RAB5IF: variants seen among roughly 807,000 people sequenced by gnomAD.
RAB5IF encodes RAB5 interacting factor, also known as GEL complex subunit OPTI.
RAB5IF carries 15 observed loss-of-function variants against 20.3 expected under a neutral mutation model. That is an observed-to-expected ratio of 0.74 (90% CI 0.50 to 1.14). RAB5IF has a LOEUF of 1.14. Among genes scored for constraint, RAB5IF ranks in the 50% most tolerant of loss-of-function variants. The pLI is 0.00. For synonymous variants in RAB5IF, 67 were observed against 63.7 expected (o/e 1.05, Z -0.25); for missense variants, 148 against 159.5 (o/e 0.93, Z 0.39).
chr20:36,607,903 T>G (rs1361158349), intron 2 of RAB5IF, 85 bp downstream of exon 2: 4 of 1,579,532 alleles, frequency 2.5e-6, no homozygotes, highest in Non-Finnish European at 3.5e-6. Context: ...AGGCCATTGC[T>G]GCTCTGGAGC....
At chr20:36,610,699 CAA>C (rs992492791) in intron 3 of RAB5IF, among the ~76,000 whole-genome samples, 9 of 75,922 alleles carry the variant, frequency 1.2e-4, no homozygotes, top group Admixed American at 1.5e-4. Context: ...GACTCCGTCT[CAA>C]AAAAAAAAAA....
chr20:36,606,027 A>G lies in RAB5IF; in HGVS notation c.76A>G (p.Ser26Gly). ...ANGALKVSVW[S>G]KVLRSDAAWE... ...CGGGGCCCTCAAAGTCTCCGTCTGGAGTAAGGTGCTGCGGAGCGACGCGGC... is the reference window on the plus strand; with the variant it reads ...CGGGGCCCTCAAAGTCTCCGTCTGGGGTAAGGTGCTGCGGAGCGACGCGGC... The change falls in exon 1 of 4, where the codon AGT becomes GGT. Residue 26 changes from serine to glycine, a missense_variant. Ser to Gly is a moderately conservative substitution (Grantham distance 56). Coordinates refer to ENST00000344795, the MANE Select transcript of RAB5IF (RefSeq NM_018840.5). 2.0e-6 allele frequency: 3 copies of G among 1,527,388 alleles called. No homozygotes were observed. Among genetic ancestry groups the G allele is most frequent in the Non-Finnish European group, 2.6e-6 (3 of 1,133,746 alleles). 94.6% of individuals were successfully genotyped at this position (1,527,388 alleles called of 1,614,324 possible). A position where few individuals can be genotyped will look rare whatever the true frequency, so the allele number is the denominator to read the frequency against.
chr20:36,606,316 T>C (rs2038933598), intron 1 of RAB5IF, among the ~76,000 whole-genome samples: 1 of 152,204 alleles, frequency 6.6e-6, no homozygotes, highest in Admixed American at 6.5e-5. Context: ...GGAGAGGCGT[T>C]GTCATTCGCG....
In RAB5IF at chr20:36,612,431, T is replaced by TTCAAG. The variant is rs2147971205; in HGVS notation, c.*383_*387dup. ...AGAGTTTTTAAACTATCAATGGCAT[T>TTCAAG]TCAAGTCTTCTGAAACAGCATGGCT... On this transcript the variant is annotated 3_prime_UTR_variant, in exon 4 of 4. Transcript: ENST00000344795. 4 of 602,718 alleles carry TTCAAG rather than the reference T, an allele frequency of 6.6e-6. No homozygotes were observed. In the East Asian group the frequency reaches 8.5e-5, roughly 13 times the overall value. 37.3% of individuals were successfully genotyped at this position (602,718 alleles called of 1,614,324 possible).
chr20:36,610,149 T>C (rs2039072650), intron 3 of RAB5IF, among the ~76,000 whole-genome samples: 2 of 152,022 alleles, frequency 1.3e-5, no homozygotes, highest in Non-Finnish European at 2.9e-5. Flanking sequence ...TTGGGTGTAG[T>C]GGCGGGCGCC....
intron 2 of RAB5IF, 45 bp from the exon 3 acceptor site, chr20:36,609,556 C>G: frequency 6.5e-7 from 1 of 1,539,438 alleles, no homozygotes; most frequent in Non-Finnish European, 8.7e-7. Context: ...TCTGAGTCTT[C>G]TAAGCTTTCA....
chr20:36,611,984 A>G, intron 3 of RAB5IF, 26 bp from the exon 4 acceptor site: 1 of 1,613,724 alleles, frequency 6.2e-7, no homozygotes, highest in Non-Finnish European at 8.5e-7. Context: ...CAGGTGACCT[A>G]TGAACAGTGC....
intron 3 of RAB5IF, among the ~76,000 whole-genome samples, chr20:36,610,329 A>AAAC (rs2039077358): frequency 6.6e-6 from 1 of 152,148 alleles, no homozygotes; most frequent in South Asian, 2.1e-4. Flanking sequence ...TAAAAAGTAC[A>AAAC]AACAGTCCAA....
At position 36,609,174 on chromosome 20, in the gene RAB5IF, C is replaced by T. The variant is rs1249756595; in HGVS notation, c.219-427C>T. On this transcript the variant is annotated intron_variant, in intron 2 of 3. Coordinates refer to ENST00000344795, the MANE Select transcript of RAB5IF (RefSeq NM_018840.5). ...ACTATATTACACACACACACACACA[C>T]ACACACACACACACACACACGCACA... is the stretch of plus-strand genomic sequence containing the variant. Among the ~76,000 whole-genome samples the T allele has an allele frequency of 4.6e-3, 108 of 23,736 alleles. 2 individuals carry two copies. The highest frequency in any genetic ancestry group is 6.1e-3 in the Non-Finnish European group (75 of 12,214). The allele number at this position is 23,736 out of a possible 152,430, so 15.6% of individuals were successfully genotyped here.
intron 3 of RAB5IF, among the ~76,000 whole-genome samples, chr20:36,610,128 CA>C: frequency 6.6e-6 from 1 of 152,162 alleles, no homozygotes; most frequent in South Asian, 2.1e-4. Context: ...ACTAAAAATA[CA>C]AAAAATTAGT....
rs1600806383 is a variant in RAB5IF, at chr20:36,609,867, T to C, written c.348+137T>C. ...TAAAGGCTTCTGAGGCTCAGGGCCA[T>C]GGCCTGTGTTGAGCCACATCCCAGA... is the stretch of plus-strand genomic sequence containing the variant. On this transcript the variant is annotated intron_variant, in intron 3 of 3. Coordinates refer to ENST00000344795, the MANE Select transcript of RAB5IF (RefSeq NM_018840.5). The C allele has an allele frequency of 2.7e-6, 4 of 1,493,432 alleles. No homozygotes were observed. In the East Asian group the frequency reaches 9.0e-5, roughly 34 times the overall value. The allele number at this position is 1,493,432 out of a possible 1,614,324, so 92.5% of individuals were successfully genotyped here. A position where few individuals can be genotyped will look rare whatever the true frequency, so the allele number is the denominator to read the frequency against.
chr20:36,607,913 C>CTG (rs746624141), intron 2 of RAB5IF, 95 bp downstream of exon 2: 47 of 1,558,404 alleles, frequency 3.0e-5, no homozygotes, highest in Admixed American at 1.3e-4. Flanking sequence ...TGCTCTGGAG[C>CTG]TGTGTGTGTG....
At chr20:36,611,254 G>A (rs1228936932) in intron 3 of RAB5IF, among the ~76,000 whole-genome samples, 1 of 151,972 alleles carries the variant, frequency 6.6e-6, no homozygotes, top group Non-Finnish European at 1.5e-5. Context: ...GCCTCCCAAA[G>A]TACTGGGATT....
intron 2 of RAB5IF, among the ~76,000 whole-genome samples, chr20:36,608,557 T>A (rs13045394): frequency 1.0e-5 from 1 of 98,632 alleles, no homozygotes; most frequent in Non-Finnish European, 1.9e-5. Flanking sequence ...GGTCTCATTC[T>A]TTTTTTTTTT....
chr20:36,611,346 T>C (rs908615103), intron 3 of RAB5IF, among the ~76,000 whole-genome samples: 8 of 151,818 alleles, frequency 5.3e-5, no homozygotes, highest in African/African-American at 1.9e-4. Flanking sequence ...CCTGTAATTA[T>C]AGCACTTTAG....
chr20:36,609,187 A>G lies in RAB5IF; in HGVS notation c.219-414A>G, dbSNP rs546786751. 4.4e-3 allele frequency among the ~76,000 whole-genome samples: 231 copies of G among 52,714 alleles called. 7 individuals are homozygous for G. Among genetic ancestry groups the G allele is most frequent in the Middle Eastern group, 0.015 (2 of 132 alleles). The allele number at this position is 52,714 out of a possible 152,430, so 34.6% of individuals were successfully genotyped here. A position where few individuals can be genotyped will look rare whatever the true frequency, so the allele number is the denominator to read the frequency against. On this transcript the variant is annotated intron_variant, in intron 2 of 3. Coordinates refer to ENST00000344795, the MANE Select transcript of RAB5IF (RefSeq NM_018840.5). ...CACACACACACACACACACACACAC[A>G]CACACACGCACACACGCACACACGC...
In RAB5IF at chr20:36,612,075, C is replaced by T. The variant is rs1414225125; in HGVS notation, c.*24C>T. The T allele has an allele frequency of 1.2e-6, 2 of 1,614,038 alleles. No individual in the cohort carries two copies. The highest frequency in any genetic ancestry group is 1.6e-4 in the Middle Eastern group (1 of 6,084). On this transcript the variant is annotated 3_prime_UTR_variant, in exon 4 of 4. Coordinates refer to ENST00000344795, the MANE Select transcript of RAB5IF (RefSeq NM_018840.5). ...GATGGTGTACAGCTCCCAAGTGCTC[C>T]CTATCCAGTCCAAAGGACCCTCTTG...
rs931087262 is a variant in RAB5IF at position 36,606,723 on chromosome 20, G to T, written c.114+658G>T. ...CGCCACCAGATATGTGCGAGAATTG[G>T]TTGGGACTTCAGAACGTTCTTACTC... On this transcript the variant is annotated intron_variant, in intron 1 of 3. Coordinates refer to ENST00000344795, the MANE Select transcript of RAB5IF (RefSeq NM_018840.5). 2.2e-4 allele frequency among the ~76,000 whole-genome samples: 33 copies of T among 152,212 alleles called. 1 individual carries two copies. The highest frequency in any genetic ancestry group is 8.8e-5 in the Non-Finnish European group (6 of 68,040).
chr20:36,605,863 C>T lies in RAB5IF; in HGVS notation c.-89C>T. The T allele has an allele frequency of 1.5e-6, 1 of 680,922 alleles. No homozygotes were observed. The highest frequency in any genetic ancestry group is 3.8e-5 in the South Asian group (1 of 26,656). 42.2% of individuals were successfully genotyped at this position (680,922 alleles called of 1,614,324 possible). ...GACCGGGCCGCTGAGCCTGCAGCCGCCCCGCGCCGTGACCTGCGACCCTAG... is the reference window on the plus strand; with the variant it reads ...GACCGGGCCGCTGAGCCTGCAGCCGTCCCGCGCCGTGACCTGCGACCCTAG... On this transcript the variant is annotated 5_prime_UTR_variant, in exon 1 of 4. Transcript: ENST00000344795.
Sources: gnomAD v4.1 joint callset for allele counts (sites outside exome capture counted in the v4.1 genomes callset) on GRCh38, gnomAD v4.1.1 for gene constraint, MANE v1.5 for transcripts, NCBI Gene and HGNC (gene_info 2026-07-23, HGNC 2026-07-21) for gene names.